The following PDE11A variants were observed in gnomAD, a reference collection of about 807,000 sequenced individuals.
PDE11A encodes the protein dual 3',5'-cyclic-AMP and -GMP phosphodiesterase 11A.
A neutral mutation model predicts 100.5 loss-of-function variants in PDE11A; 100 were observed. That is an observed-to-expected ratio of 1.00 (90% CI 0.85 to 1.18). PDE11A has a LOEUF of 1.18. Ranked by LOEUF, PDE11A falls within the 50% of genes most tolerant of loss-of-function variation. The probability of loss-of-function intolerance (pLI) is 0.00; values close to 1 mark genes in which losing one functional copy is unlikely to be tolerated. For synonymous variants in PDE11A, 381 were observed against 420.8 expected, an observed-to-expected ratio of 0.91 and a Z score of 1.16; for missense variants, 1,141 against 1,152.6, an observed-to-expected ratio of 0.99 and a Z score of 0.15.
intron 5 of PDE11A, among the ~76,000 whole-genome samples, chr2:177,869,680 G>T (rs894813333): frequency 6.6e-6 from 1 of 152,108 alleles, no homozygotes; most frequent in African/African-American, 2.4e-5. Flanking sequence ...ATGACAAGTG[G>T]TGAGGATCTT....
intron 2 of PDE11A, among the ~76,000 whole-genome samples, chr2:178,096,625 A>G (rs2087495262): frequency 6.6e-6 from 1 of 152,212 alleles, no homozygotes; most frequent in Non-Finnish European, 1.5e-5. Context: ...TCTCTAGGAC[A>G]GGGGCAAAAT....
At chr2:177,674,355 A>C (rs1405694410) in intron 17 of PDE11A, among the ~76,000 whole-genome samples, 1 of 152,216 alleles carries the variant, frequency 6.6e-6, no homozygotes, top group African/African-American at 2.4e-5. Context: ...ACATCAGTTC[A>C]CTGGGCAGAA....
chr2:177,784,400 T>C (rs182619086), intron 9 of PDE11A, among the ~76,000 whole-genome samples: 67 of 152,192 alleles, frequency 4.4e-4, no homozygotes, highest in African/African-American at 1.6e-3. Context: ...GGCATTGTCC[T>C]GAAACTACCC....
chr2:178,085,325 C>T (rs1233038890), intron 2 of PDE11A, among the ~76,000 whole-genome samples: 1 of 151,964 alleles, frequency 6.6e-6, no homozygotes, highest in Non-Finnish European at 1.5e-5. Flanking sequence ...AAACTGTCAC[C>T]TACAATACCT....
chr2:178,034,525 C>T (rs1299458692), intron 1 of PDE11A, among the ~76,000 whole-genome samples: 1 of 152,142 alleles, frequency 6.6e-6, no homozygotes, highest in East Asian at 1.9e-4. Context: ...CCAAGTGGAC[C>T]TAATAGACAT....
intron 2 of PDE11A, among the ~76,000 whole-genome samples, chr2:177,946,852 T>C (rs867382180): frequency 2.8e-3 from 83 of 29,340 alleles, no homozygotes; most frequent in Admixed American, 3.6e-3. Context: ...TCAGCCCCCC[T>C]GCCCGGCCAG....
At chr2:177,807,863 C>T (rs2082895561) in intron 9 of PDE11A, among the ~76,000 whole-genome samples, 1 of 152,164 alleles carries the variant, frequency 6.6e-6, no homozygotes, top group South Asian at 2.1e-4. Context: ...TTTCACTAGT[C>T]TTTGTAAAAT....
intron 9 of PDE11A, among the ~76,000 whole-genome samples, chr2:177,779,427 A>C (rs1169535778): frequency 2.0e-5 from 3 of 152,242 alleles, no homozygotes; most frequent in Non-Finnish European, 4.4e-5. Context: ...GCTGCTTGAT[A>C]GCATTTTACC....
chr2:177,921,416 C>T (rs1054003872), intron 2 of PDE11A, among the ~76,000 whole-genome samples: 15 of 150,932 alleles, frequency 9.9e-5, no homozygotes, highest in Non-Finnish European at 8.8e-5. Context: ...TGGTTTGTGT[C>T]CTACAAATGC....
chr2:178,038,487 A>G (rs1458156757), intron 1 of PDE11A, among the ~76,000 whole-genome samples: 1 of 152,208 alleles, frequency 6.6e-6, no homozygotes, highest in African/African-American at 2.4e-5. Context: ...ATAACCAATA[A>G]GGAAGGTGGT....
At chr2:177,912,063 G>A (rs2084888808) in intron 2 of PDE11A, among the ~76,000 whole-genome samples, 1 of 152,100 alleles carries the variant, frequency 6.6e-6, no homozygotes, top group Non-Finnish European at 1.5e-5. Flanking sequence ...ACAGAAACAA[G>A]GACAAGATAA....
intron 5 of PDE11A, among the ~76,000 whole-genome samples, chr2:177,859,592 G>C (rs938150560): frequency 6.6e-6 from 1 of 151,920 alleles, no homozygotes; most frequent in South Asian, 2.1e-4. Context: ...GAAAGTAGAA[G>C]ACTTGAACAA....
chr2:177,768,891 C>T (rs1179996901), intron 10 of PDE11A, among the ~76,000 whole-genome samples: 8 of 152,156 alleles, frequency 5.3e-5, no homozygotes, highest in African/African-American at 1.7e-4. Context: ...GCAGGTAAAA[C>T]GCTTGGTAGT....
chr2:177,794,925 A>T (rs1404604736), intron 9 of PDE11A, among the ~76,000 whole-genome samples: 1 of 152,106 alleles, frequency 6.6e-6, no homozygotes, highest in East Asian at 1.9e-4. Flanking sequence ...AGCTGGGATT[A>T]CAGGTGCCCA....
intron 9 of PDE11A, among the ~76,000 whole-genome samples, chr2:177,773,318 C>G (rs1212841595): frequency 6.6e-6 from 1 of 152,216 alleles, no homozygotes; most frequent in Non-Finnish European, 1.5e-5. Context: ...CATATCCTTT[C>G]TAAAATTTTT....
rs545772749 is a variant in PDE11A, at chr2:178,085,962, T to G, written c.162+18340A>C. Among the ~76,000 whole-genome samples, 3 of 152,354 alleles carry G rather than the reference T, an allele frequency of 2.0e-5. No homozygotes were observed. In the East Asian group the frequency reaches 5.8e-4, roughly 29 times the overall value. On this transcript the variant is annotated intron_variant, in intron 2 of 20. Transcript: ENST00000358450. The stretch of plus-strand genomic sequence containing the variant: ...CAAAAGTACCACTATCCTAGGTTTT[T>G]AAAAGACTGTAACTTAATAAAAACA...
chr2:178,088,991 CAA>C (rs2087390000), intron 2 of PDE11A, among the ~76,000 whole-genome samples: 1 of 152,142 alleles, frequency 6.6e-6, no homozygotes, highest in Non-Finnish European at 1.5e-5. Flanking sequence ...GAAGTGCACT[CAA>C]AGAGTAATTT....
intron 6 of PDE11A, among the ~76,000 whole-genome samples, chr2:177,834,491 A>G (rs1005358397): frequency 5.9e-5 from 9 of 152,180 alleles, no homozygotes; most frequent in Admixed American, 3.9e-4. Context: ...CCTCACCCCA[A>G]TGGTTGCAGG....
At chr2:177,834,920 T>C (rs571630846) in intron 6 of PDE11A, among the ~76,000 whole-genome samples, 66 of 152,078 alleles carry the variant, frequency 4.3e-4, no homozygotes, top group Middle Eastern at 3.2e-3. Flanking sequence ...TTTCTCTCCC[T>C]TGTTGGAGGA....
Sources: allele counts gnomAD v4.1 joint callset (sites outside exome capture counted in the v4.1 genomes callset), GRCh38; gene constraint gnomAD v4.1.1; transcripts MANE v1.5; gene names NCBI Gene and HGNC (gene_info 2026-07-23, HGNC 2026-07-21).